Variants in PDE7B observed in about 807,000 individuals in gnomAD.
PDE7B encodes phosphodiesterase 7B.
Under a neutral mutation model 56.2 loss-of-function variants are expected in PDE7B, and 29 were observed. That is an observed-to-expected ratio of 0.52 (90% CI 0.38 to 0.70). PDE7B has a LOEUF of 0.70. Ranked by LOEUF, PDE7B falls within the 30% of genes least tolerant of loss-of-function variation. The pLI, the probability that PDE7B is intolerant of heterozygous loss-of-function variation, is 0.00. For missense variants in PDE7B, 490 were observed against 565.0 expected, an observed-to-expected ratio of 0.87 and a Z score of 1.35; for synonymous variants, 197 against 196.9, an observed-to-expected ratio of 1.00 and a Z score of 0.00.
At chr6:135,951,307 A>G in intron 2 of PDE7B, among the ~76,000 whole-genome samples, 1 of 152,200 alleles carries the variant, frequency 6.6e-6, no homozygotes, top group Non-Finnish European at 1.5e-5. Flanking sequence ...ATACAACTGT[A>G]TAGCAACACT....
intron 2 of PDE7B, among the ~76,000 whole-genome samples, chr6:136,078,258 T>A (rs1004835959): frequency 4.1e-4 from 62 of 152,220 alleles, no homozygotes; most frequent in African/African-American, 1.5e-3. Flanking sequence ...CAATGAGAGC[T>A]GAATGTGAGC....
intron 8 of PDE7B, among the ~76,000 whole-genome samples, chr6:136,172,414 T>C (rs1013994825): frequency 1.3e-5 from 2 of 152,202 alleles, no homozygotes; most frequent in Non-Finnish European, 2.9e-5. Context: ...ATTCATGTGT[T>C]TTTTGGCTGC....
intron 1 of PDE7B, among the ~76,000 whole-genome samples, chr6:135,896,400 C>A (rs200261499): frequency 6.6e-6 from 1 of 152,092 alleles, no homozygotes. Flanking sequence ...CTGATCAATG[C>A]CTTCCTAAGC....
chr6:135,957,364 G>A (rs1011446303), intron 2 of PDE7B, among the ~76,000 whole-genome samples: 1 of 152,164 alleles, frequency 6.6e-6, no homozygotes, highest in Non-Finnish European at 1.5e-5. Context: ...ACCCAGCTGA[G>A]TTGGACACTG....
chr6:135,964,632 G>T (rs1000655446), intron 2 of PDE7B, among the ~76,000 whole-genome samples: 3 of 152,080 alleles, frequency 2.0e-5, no homozygotes, highest in Admixed American at 6.6e-5. Context: ...AATCTAGAGC[G>T]TATATAATAT....
At chr6:136,136,441 G>A (rs928848603) in intron 3 of PDE7B, among the ~76,000 whole-genome samples, 3 of 152,088 alleles carry the variant, frequency 2.0e-5, no homozygotes, top group African/African-American at 4.8e-5. Flanking sequence ...ATGTGAATAA[G>A]AGTGAACTTT....
At chr6:136,110,777 A>G (rs1295163301) in intron 3 of PDE7B, among the ~76,000 whole-genome samples, 2 of 151,858 alleles carry the variant, frequency 1.3e-5, no homozygotes, top group African/African-American at 4.8e-5. Flanking sequence ...AACAACTGCA[A>G]AAATAAATAA....
intron 11 of PDE7B, among the ~76,000 whole-genome samples, chr6:136,185,482 G>A (rs1779128947): frequency 6.6e-6 from 1 of 152,112 alleles, no homozygotes; most frequent in African/African-American, 2.4e-5. Flanking sequence ...ATGCCTGGGA[G>A]GAGGGCTCAC....
intron 1 of PDE7B, among the ~76,000 whole-genome samples, chr6:135,877,428 ATT>A (rs1775519308): frequency 7.0e-6 from 1 of 143,618 alleles, no homozygotes; most frequent in Non-Finnish European, 1.5e-5. Flanking sequence ...TGGGCTTTCA[ATT>A]TTTTATGTGG....
intron 1 of PDE7B, among the ~76,000 whole-genome samples, chr6:135,859,103 C>T (rs1775095444): frequency 6.6e-6 from 1 of 151,210 alleles, no homozygotes; most frequent in Non-Finnish European, 1.5e-5. Flanking sequence ...CATTATGCCA[C>T]TTGCCAGCTG....
intron 1 of PDE7B, among the ~76,000 whole-genome samples, chr6:135,936,050 G>C (rs1471466540): frequency 6.6e-6 from 1 of 152,184 alleles, no homozygotes; most frequent in Non-Finnish European, 1.5e-5. Context: ...TGCATGTTGG[G>C]CTTCATGTTC....
At chr6:136,030,596 G>A (rs1265374344) in intron 2 of PDE7B, among the ~76,000 whole-genome samples, 1 of 152,146 alleles carries the variant, frequency 6.6e-6, no homozygotes, top group Non-Finnish European at 1.5e-5. Flanking sequence ...ATCTCTTTGA[G>A]GAATCATCTG....
intron 3 of PDE7B, among the ~76,000 whole-genome samples, chr6:136,127,034 T>G (rs1778033946): frequency 6.6e-6 from 1 of 152,140 alleles, no homozygotes; most frequent in Admixed American, 6.6e-5. Context: ...CCACAAAAAT[T>G]AATGATTTTA....
intron 2 of PDE7B, among the ~76,000 whole-genome samples, chr6:135,970,857 G>T (rs749025545): frequency 6.6e-6 from 1 of 152,166 alleles, no homozygotes; most frequent in African/African-American, 2.4e-5. Flanking sequence ...TGAAGGTAGA[G>T]CTGATAATAT....
At chr6:135,996,360 C>A (rs972711690) in intron 2 of PDE7B, among the ~76,000 whole-genome samples, 1 of 152,150 alleles carries the variant, frequency 6.6e-6, no homozygotes, top group African/African-American at 2.4e-5. Flanking sequence ...TAAAAATTAA[C>A]TTCAGTCAGA....
At chr6:136,031,016 A>G (rs181367430) in intron 2 of PDE7B, among the ~76,000 whole-genome samples, 1 of 152,386 alleles carries the variant, frequency 6.6e-6, no homozygotes, top group East Asian at 1.9e-4. Flanking sequence ...TTAACAAGCT[A>G]TGGTTCAATG....
chr6:135,906,806 G>GTTTTTTTTTT (rs1383346069), intron 1 of PDE7B, among the ~76,000 whole-genome samples: 3 of 32,450 alleles, frequency 9.2e-5, no homozygotes, highest in Non-Finnish European at 1.8e-4. Context: ...TGTTAATGAG[G>GTTTTTTTTTT]TTTGTTTTTT....
chr6:136,186,146 A>G (rs1779141376), intron 11 of PDE7B, among the ~76,000 whole-genome samples: 1 of 151,838 alleles, frequency 6.6e-6, no homozygotes, highest in Non-Finnish European at 1.5e-5. Flanking sequence ...CTGGGTGCAG[A>G]GGCTCACACC....
chr6:136,135,414 G>A (rs577917132), intron 3 of PDE7B, among the ~76,000 whole-genome samples: 2 of 151,998 alleles, frequency 1.3e-5, no homozygotes, highest in South Asian at 2.1e-4. Flanking sequence ...CCTAGCAAAT[G>A]CCCTAAATGT....
Sources: gnomAD v4.1 joint callset for allele counts (sites outside exome capture counted in the v4.1 genomes callset) on GRCh38, gnomAD v4.1.1 for gene constraint, MANE v1.5 for transcripts, NCBI Gene and HGNC (gene_info 2026-07-23, HGNC 2026-07-21) for gene names.